ZRANB3: variants seen among roughly 807,000 people sequenced by gnomAD.
ZRANB3 encodes DNA annealing helicase and endonuclease ZRANB3.
Under a neutral mutation model 133.8 loss-of-function variants are expected in ZRANB3, and 125 were observed. The ratio of observed to expected loss-of-function variants is 0.93; its 90% CI spans 0.81 to 1.08. ZRANB3 has a LOEUF of 1.08. ZRANB3 is among the 50% of genes least tolerant of loss of function. ZRANB3 has a pLI of 0.00. For missense variants in ZRANB3, 1,229 were observed against 1,275.5 expected (o/e 0.96, Z 0.56); for synonymous variants, 387 against 432.7 (o/e 0.89, Z 1.31).
At chr2:135,378,183 C>T (rs1473669257) in intron 3 of ZRANB3, among the ~76,000 whole-genome samples, 1 of 152,164 alleles carries the variant, frequency 6.6e-6, no homozygotes, top group Non-Finnish European at 1.5e-5. Context: ...AGAACCCTGA[C>T]TAACTCAAGT....
At chr2:135,404,766 C>G (rs1024316168) in intron 2 of ZRANB3, among the ~76,000 whole-genome samples, 4 of 152,172 alleles carry the variant, frequency 2.6e-5, no homozygotes, top group African/African-American at 7.2e-5. Context: ...GGCAGAAACT[C>G]TACAAGCCAG....
intron 2 of ZRANB3, among the ~76,000 whole-genome samples, chr2:135,394,953 C>CAAAAAAA (rs113220872): frequency 4.6e-5 from 2 of 43,366 alleles, no homozygotes; most frequent in Non-Finnish European, 1.1e-4. Flanking sequence ...CTTGTCTCTA[C>CAAAAAAA]AAAAAAAAAA....
intron 1 of ZRANB3, chr2:135,510,502 G>A (rs1198080555): frequency 3.5e-6 from 2 of 573,822 alleles, no homozygotes; most frequent in East Asian, 3.2e-5. Flanking sequence ...TCACCATTCT[G>A]TAGGAGCTAG....
chr2:135,520,291 G>C (rs1338269110), intron 1 of ZRANB3, among the ~76,000 whole-genome samples: 2 of 152,008 alleles, frequency 1.3e-5, no homozygotes, highest in Non-Finnish European at 2.9e-5. Flanking sequence ...AGCTACTGGA[G>C]AGTCTGAGGC....
intron 3 of ZRANB3, among the ~76,000 whole-genome samples, chr2:135,362,244 C>G (rs961945332): frequency 4.6e-5 from 7 of 151,760 alleles, no homozygotes; most frequent in Non-Finnish European, 8.8e-5. Flanking sequence ...CATTTCAATT[C>G]TGTCTTCTTT....
intron 2 of ZRANB3, among the ~76,000 whole-genome samples, chr2:135,473,818 C>T (rs1691383820): frequency 6.6e-6 from 1 of 152,192 alleles, no homozygotes; most frequent in South Asian, 2.1e-4. Flanking sequence ...AGCTGCAAAG[C>T]TTCCATCCTA....
chr2:135,276,646 C>T (rs1680842279), intron 8 of ZRANB3, among the ~76,000 whole-genome samples: 1 of 152,190 alleles, frequency 6.6e-6, no homozygotes, highest in African/African-American at 2.4e-5. Flanking sequence ...CCACATTTAA[C>T]TTCTGCTCCT....
At chr2:135,298,902 C>T (rs1482494620) in intron 8 of ZRANB3, among the ~76,000 whole-genome samples, 1 of 152,010 alleles carries the variant, frequency 6.6e-6, no homozygotes, top group Non-Finnish European at 1.5e-5. Context: ...TTTTTTGGAG[C>T]ACGGTTGTTC....
At chr2:135,483,480 T>G (rs572937063) in intron 2 of ZRANB3, among the ~76,000 whole-genome samples, 44 of 152,282 alleles carry the variant, frequency 2.9e-4, no homozygotes, top group African/African-American at 9.6e-4. Context: ...TTATCATTTT[T>G]TATTGCGTCT....
intron 6 of ZRANB3, among the ~76,000 whole-genome samples, chr2:135,322,150 T>C (rs941246744): frequency 2.6e-5 from 4 of 152,228 alleles, no homozygotes; most frequent in African/African-American, 7.2e-5. Flanking sequence ...TCCAGTGAAT[T>C]GTCTTGCATA....
intron 2 of ZRANB3, among the ~76,000 whole-genome samples, chr2:135,466,118 C>T (rs1387899877): frequency 6.6e-6 from 1 of 152,120 alleles, no homozygotes; most frequent in African/African-American, 2.4e-5. Context: ...CGTGGTGGCT[C>T]ACGCCTATAA....
intron 1 of ZRANB3, among the ~76,000 whole-genome samples, chr2:135,516,561 A>T (rs1288166803): frequency 6.6e-6 from 1 of 152,162 alleles, no homozygotes; most frequent in Non-Finnish European, 1.5e-5. Flanking sequence ...TCTGGGTTGA[A>T]AATCCTTTTC....
At chr2:135,256,985 G>C (rs1679689782) in intron 12 of ZRANB3, among the ~76,000 whole-genome samples, 1 of 152,164 alleles carries the variant, frequency 6.6e-6, no homozygotes, top group Non-Finnish European at 1.5e-5. Context: ...CACCAAAAGA[G>C]TTTACAAATG....
intron 12 of ZRANB3, among the ~76,000 whole-genome samples, chr2:135,248,713 C>T (rs1186231434): frequency 2.0e-5 from 3 of 152,138 alleles, no homozygotes; most frequent in Admixed American, 1.3e-4. Flanking sequence ...TGAGACTAGC[C>T]TGGCCAAAAT....
rs36092486 is a variant in ZRANB3, at chr2:135,316,967, G to GAAA, written c.678-1440_678-1438dup. Among the ~76,000 whole-genome samples, 571 of 98,080 alleles carry GAAA rather than the reference G, an allele frequency of 5.8e-3. 5 individuals carry two copies. The highest frequency in any genetic ancestry group is 0.019 in the South Asian group (53 of 2,856). 64.3% of individuals were successfully genotyped at this position (98,080 alleles called of 152,430 possible). A position where few individuals can be genotyped will look rare whatever the true frequency, so the allele number is the denominator to read the frequency against. On this transcript the variant is annotated intron_variant, in intron 6 of 20. Coordinates refer to ENST00000264159, the MANE Select transcript of ZRANB3 (RefSeq NM_032143.4). ...GTGACAGAGCGAGATTCCGTCTCGAGAAAAAAAAAAAAAAAAATATATATA... is the reference window on the plus strand; with the variant it reads ...GTGACAGAGCGAGATTCCGTCTCGAGAAAAAAAAAAAAAAAAAAAATATATATA...
At chr2:135,415,532 G>C (rs897171794) in intron 2 of ZRANB3, among the ~76,000 whole-genome samples, 3 of 152,076 alleles carry the variant, frequency 2.0e-5, no homozygotes, top group Admixed American at 1.3e-4. Context: ...AGAGGTACAA[G>C]GAGGAACTGG....
intron 11 of ZRANB3, among the ~76,000 whole-genome samples, chr2:135,266,938 A>T (rs1236270651): frequency 2.0e-5 from 3 of 152,052 alleles, no homozygotes; most frequent in Non-Finnish European, 4.4e-5. Flanking sequence ...CAATCAGAAA[A>T]TCTTTGAATC....
At position 135,295,583 on chromosome 2, in the gene ZRANB3, G is replaced by A. The variant is rs532164720; in HGVS notation, c.966+17906C>T. ...GAGCATTTAGCCCATTTACATTTAAGGTTAATATTGTTATGTGTGAATTTG... is the reference window on the plus strand; with the variant it reads ...GAGCATTTAGCCCATTTACATTTAAAGTTAATATTGTTATGTGTGAATTTG... On this transcript the variant is annotated intron_variant, in intron 8 of 20. Transcript: ENST00000264159. Among the ~76,000 whole-genome samples the A allele has an allele frequency of 6.2e-4, 94 of 152,122 alleles. No individual in the cohort carries two copies. In the East Asian group the frequency reaches 0.017, roughly 28 times the overall value.
chr2:135,208,203 C>T (rs887708166), intron 18 of ZRANB3, among the ~76,000 whole-genome samples: 1 of 152,124 alleles, frequency 6.6e-6, no homozygotes, highest in African/African-American at 2.4e-5. Context: ...TACCCTGCTC[C>T]TTAAATATAT....
Sources: gnomAD v4.1 joint callset for allele counts (sites outside exome capture counted in the v4.1 genomes callset) on GRCh38, gnomAD v4.1.1 for gene constraint, MANE v1.5 for transcripts, NCBI Gene and HGNC (gene_info 2026-07-23, HGNC 2026-07-21) for gene names.